TMCO6: variants seen among roughly 807,000 people sequenced by gnomAD.
TMCO6 encodes the protein transmembrane and coiled-coil domain-containing protein 6.
TMCO6 carries 47 observed loss-of-function variants against 61.8 expected under a neutral mutation model. That is an observed-to-expected ratio of 0.76 (90% CI 0.60 to 0.97). TMCO6 has a LOEUF of 0.97. TMCO6 is among the 50% of genes least tolerant of loss of function. The pLI, the probability that TMCO6 is intolerant of heterozygous loss-of-function variation, is 0.00. For synonymous variants in TMCO6, 261 were observed against 254.2 expected (o/e 1.03, Z -0.25); for missense variants, 557 against 601.6 (o/e 0.93, Z 0.78).
In TMCO6 at chr5:140,639,561, A is replaced by G. The variant is rs1225678371; in HGVS notation, c.34A>G (p.Thr12Ala). 63 of 1,549,090 alleles carry G rather than the reference A, an allele frequency of 4.1e-5. No homozygotes were observed. The highest frequency in any genetic ancestry group is 5.2e-5 in the Non-Finnish European group (60 of 1,146,232). ...WSRRQGRLRP[T>A]VCGVEELRRR... ...CCGACGGCAGGGCCGCCTCAGGCCC[A>G]CGGTCTGCGGGGTGGAGGAGCTACG... Residue 12 changes from threonine (T) to alanine (A), a missense_variant, in exon 1 of 12, where the codon ACG becomes GCG. Coordinates refer to ENST00000394671, the MANE Select transcript of TMCO6 (RefSeq NM_018502.5).
At chr5:140,632,595 C>A in the TMCO6 span, 12 of 1,613,952 alleles carry the variant, frequency 7.4e-6, no homozygotes, top group Admixed American at 1.7e-5. This position sits in a 1 kb window ranked among gnomAD's most constrained non-coding sequence, Gnocchi z 6.2. Flanking sequence ...AGGCATGGTG[C>A]CGGTTATCTT....
chr5:140,632,780 C>T, the TMCO6 span: 1 of 1,613,432 alleles, frequency 6.2e-7, no homozygotes, highest in Admixed American at 1.7e-5. This position sits in a 1 kb window ranked among gnomAD's most constrained non-coding sequence, Gnocchi z 6.2. Context: ...GCTTTAGAAA[C>T]GGCTCTAGGT....
the TMCO6 span, among the ~76,000 whole-genome samples, chr5:140,606,418 A>G: frequency 1.3e-5 from 2 of 151,832 alleles, no homozygotes; most frequent in Non-Finnish European, 2.9e-5. Context: ...TCTCAGACTA[A>G]AGGTTTGTCA....
upstream of TMCO6, among the ~76,000 whole-genome samples, chr5:140,634,846 G>A (rs190828983): frequency 2.9e-3 from 438 of 151,980 alleles, 3 homozygotes; most frequent in Middle Eastern, 0.014. Flanking sequence ...GGCTGGGCGC[G>A]ATCTCAGCTC....
chr5:140,644,749 T>G lies in TMCO6; in HGVS notation c.1368+9T>G, dbSNP rs1265504102. The G allele has an allele frequency of 6.2e-7, 1 of 1,613,840 alleles. No homozygotes were observed. The highest frequency in any genetic ancestry group is 1.1e-5 in the South Asian group (1 of 91,068). On this transcript the variant is annotated intron_variant, in intron 11 of 11. Transcript: ENST00000394671. Reference sequence around the variant, plus strand: ...TCCTGTATCAGCCAGAGGTATAGGTTTCTGGCCCACATCCTCAGTCACCCC... The same window carrying G: ...TCCTGTATCAGCCAGAGGTATAGGTGTCTGGCCCACATCCTCAGTCACCCC...
chr5:140,644,242 T>G, intron 10 of TMCO6, 48 bp downstream of exon 10: 1 of 1,578,442 alleles, frequency 6.3e-7, no homozygotes, highest in East Asian at 2.2e-5. Flanking sequence ...TCGGATTGTA[T>G]GGGACAGCAG....
the TMCO6 span, among the ~76,000 whole-genome samples, chr5:140,602,826 A>T: frequency 1.3e-5 from 2 of 149,430 alleles, no homozygotes; most frequent in South Asian, 4.3e-4. Context: ...GAAAAGAAAA[A>T]TGGCCATGCG....
the TMCO6 span, among the ~76,000 whole-genome samples, chr5:140,606,219 G>T: frequency 6.8e-6 from 1 of 146,468 alleles, no homozygotes; most frequent in South Asian, 2.1e-4. Flanking sequence ...CTGGAGTGCA[G>T]TGGTGTGCGG....
chr5:140,608,392 C>T, the TMCO6 span, among the ~76,000 whole-genome samples: 61 of 152,248 alleles, frequency 4.0e-4, no homozygotes, highest in Admixed American at 1.3e-3. Flanking sequence ...TATATAAACT[C>T]TGGGTAGTAA....
At chr5:140,645,864 A>C, downstream of TMCO6, 1 of 1,112,032 alleles carries the variant, frequency 9.0e-7, no homozygotes, top group East Asian at 2.6e-5. Context: ...AGGAAGCCCA[A>C]GTCCAAATAG....
chr5:140,636,409 TG>T (rs1756770578), upstream of TMCO6, among the ~76,000 whole-genome samples: 2 of 149,716 alleles, frequency 1.3e-5, no homozygotes, highest in South Asian at 4.2e-4. Context: ...TTCCAGGCTG[TG>T]ATAAGCCATG....
chr5:140,630,638 T>C, the TMCO6 span, among the ~76,000 whole-genome samples: 6 of 152,222 alleles, frequency 3.9e-5, no homozygotes, highest in Non-Finnish European at 7.3e-5. Flanking sequence ...TGCCTTGAGA[T>C]GATTAATTCT....
downstream of TMCO6, chr5:140,645,639 C>A (rs767400196): frequency 4.3e-6 from 7 of 1,614,092 alleles, no homozygotes; most frequent in South Asian, 5.5e-5. Context: ...CTGATCAGCA[C>A]TGAAGTTGTT....
chr5:140,647,697 A>T (rs760264090), downstream of TMCO6: 146 of 1,425,192 alleles, frequency 1.0e-4, no homozygotes, highest in Non-Finnish European at 1.4e-4. Context: ...GGCGGGGTAA[A>T]GCTTGGCCAA....
chr5:140,629,127 G>T, the TMCO6 span, among the ~76,000 whole-genome samples: 5 of 151,974 alleles, frequency 3.3e-5, no homozygotes, highest in Non-Finnish European at 7.4e-5. Flanking sequence ...AAATTAGCAG[G>T]GTGTGGTAGT....
chr5:140,647,576 G>A (rs1757481017), downstream of TMCO6: 2 of 1,610,172 alleles, frequency 1.2e-6, no homozygotes, highest in South Asian at 1.1e-5. Flanking sequence ...TGCTGCGGCC[G>A]CCGCCATCCT....
At chr5:140,619,615 GA>G in the TMCO6 span, among the ~76,000 whole-genome samples, 8 of 145,970 alleles carry the variant, frequency 5.5e-5, no homozygotes, top group African/African-American at 1.3e-4. Flanking sequence ...GCACAACAAA[GA>G]AAAAAAAAAG....
the TMCO6 span, among the ~76,000 whole-genome samples, chr5:140,607,804 T>G: frequency 6.6e-6 from 1 of 151,352 alleles, no homozygotes; most frequent in Non-Finnish European, 1.5e-5. Context: ...TTTTTTTTTT[T>G]TCTGAGACAG....
the TMCO6 span, among the ~76,000 whole-genome samples, chr5:140,598,427 C>A: frequency 9.9e-5 from 15 of 152,240 alleles, 1 homozygote; most frequent in East Asian, 2.7e-3. Context: ...TATTAAACTG[C>A]TACTCTGAGG....
Sources: gnomAD v4.1 joint callset for allele counts (sites outside exome capture counted in the v4.1 genomes callset) on GRCh38, gnomAD v4.1.1 for gene constraint, Gnocchi (gnomAD v3.1) non-coding constraint, MANE v1.5 for transcripts, NCBI Gene and HGNC (gene_info 2026-07-23, HGNC 2026-07-21) for gene names.